The following TTC7B variants were observed in gnomAD, a reference collection of about 807,000 sequenced individuals.
The protein encoded by TTC7B is tetratricopeptide repeat domain 7B.
TTC7B carries 28 observed loss-of-function variants against 106.8 expected under a neutral mutation model. That is an observed-to-expected ratio of 0.26 (90% CI 0.19 to 0.36). The LOEUF (loss-of-function observed/expected upper bound fraction) is 0.36. Ranked by LOEUF, TTC7B falls within the 10% of genes least tolerant of loss-of-function variation. TTC7B has a pLI of 1.00. For synonymous variants in TTC7B, 405 were observed against 430.6 expected (o/e 0.94, Z 0.74); for missense variants, 862 against 1,076.4 (o/e 0.80, Z 2.79).
rs74081255 is a variant in TTC7B at position 90,633,841 on chromosome 14, C to T, written c.1751+10207G>A. Among the ~76,000 whole-genome samples, 645 of 152,088 alleles carry T rather than the reference C, an allele frequency of 4.2e-3. 4 individuals carry two copies. The highest frequency in any genetic ancestry group is 0.015 in the African/African-American group (624 of 41,484). ...CTGAATCCATCGGAATTCATGAACACCTTTCAGTATAAAAATGTGTACTTT... is the reference window on the plus strand; with the variant it reads ...CTGAATCCATCGGAATTCATGAACATCTTTCAGTATAAAAATGTGTACTTT... On this transcript the variant is annotated intron_variant, in intron 15 of 19. Transcript: ENST00000328459.
intron 1 of TTC7B, among the ~76,000 whole-genome samples, chr14:90,810,306 G>T (rs1421298428): frequency 6.6e-6 from 1 of 152,112 alleles, no homozygotes; most frequent in Non-Finnish European, 1.5e-5. Context: ...AATACATCTG[G>T]CCCCAAGGGC....
In TTC7B at chr14:90,537,377, G is replaced by GA. The variant is rs1555372749; in HGVS notation, c.*3990_*3991insT. The GA allele has an allele frequency of 2.1e-5, 3 of 144,280 alleles. No individual in the cohort carries two copies. Among genetic ancestry groups the GA allele is most frequent in the Non-Finnish European group, 4.6e-5 (3 of 65,296 alleles). 8.9% of individuals were successfully genotyped at this position (144,280 alleles called of 1,614,324 possible). ...ATTTTTTTTTTTTTGTAGAGATGGG[G>GA]GGGGGGTCTCACCATGTTGCCCAGG... On this transcript the variant is annotated 3_prime_UTR_variant, in exon 20 of 20. Transcript: ENST00000328459.
Position 90,757,606 on chromosome 14 carries a change from C to T in TTC7B, c.446-12684G>A, listed in dbSNP as rs1014828973. On this transcript the variant is annotated intron_variant, in intron 3 of 19. Transcript: ENST00000328459. The surrounding 1 kb of genome is among the most constrained non-coding windows in gnomAD (Gnocchi z 4.1). ...TGATCCAATGAGCTTACTACCACAG[C>T]AGGTCCACAGCAGTTGCCACACAGC... 2.0e-5 allele frequency among the ~76,000 whole-genome samples: 3 copies of T among 152,182 alleles called. No individual in the cohort carries two copies. The highest frequency in any genetic ancestry group is 2.0e-4 in the Admixed American group (3 of 15,282).
At chr14:90,599,839 T>G (rs1056519676) in intron 17 of TTC7B, among the ~76,000 whole-genome samples, 4 of 152,062 alleles carry the variant, frequency 2.6e-5, no homozygotes, top group African/African-American at 9.7e-5. Context: ...AAAGCAGCAG[T>G]TCCATCTCTT....
At chr14:90,714,891 A>G (rs988135334) in intron 5 of TTC7B, among the ~76,000 whole-genome samples, 7 of 151,740 alleles carry the variant, frequency 4.6e-5, no homozygotes, top group Admixed American at 2.0e-4. Flanking sequence ...CCCCTCCCCA[A>G]TTTTCATCTC....
chr14:90,712,213 G>T (rs28871708), intron 5 of TTC7B, among the ~76,000 whole-genome samples: 9 of 152,140 alleles, frequency 5.9e-5, no homozygotes, highest in African/African-American at 1.7e-4. Flanking sequence ...AAGACTGAAT[G>T]CTTTCTAAGA....
At chr14:90,549,887 TG>T (rs1890004240) in intron 19 of TTC7B, among the ~76,000 whole-genome samples, 2 of 151,996 alleles carry the variant, frequency 1.3e-5, no homozygotes, top group African/African-American at 4.8e-5. Flanking sequence ...ACGCCTTCAG[TG>T]GGTGGCAGCT....
At chr14:90,707,264 G>A (rs933477572) in intron 5 of TTC7B, among the ~76,000 whole-genome samples, 1 of 152,112 alleles carries the variant, frequency 6.6e-6, no homozygotes, top group African/African-American at 2.4e-5. Context: ...CACCTAAGAT[G>A]GCAAACTTGA....
At chr14:90,687,359 T>C (rs1887286966) in intron 7 of TTC7B, among the ~76,000 whole-genome samples, 1 of 152,134 alleles carries the variant, frequency 6.6e-6, no homozygotes, top group African/African-American at 2.4e-5. Context: ...CTTGTACACA[T>C]GGGAAAGCTG....
chr14:90,664,295 G>A (rs1017093701), intron 9 of TTC7B, among the ~76,000 whole-genome samples: 1 of 151,842 alleles, frequency 6.6e-6, no homozygotes, highest in African/African-American at 2.4e-5. Context: ...TTTGAGACAG[G>A]GTCTTGCTCT....
intron 4 of TTC7B, among the ~76,000 whole-genome samples, chr14:90,731,116 T>C (rs1286124702): frequency 2.0e-5 from 3 of 152,048 alleles, no homozygotes; most frequent in Non-Finnish European, 4.4e-5. Flanking sequence ...TAGCTAATTT[T>C]TTTTTTTGTA....
intron 19 of TTC7B, among the ~76,000 whole-genome samples, chr14:90,550,824 G>A (rs1233941866): frequency 6.6e-6 from 1 of 152,170 alleles, no homozygotes; most frequent in African/African-American, 2.4e-5. Flanking sequence ...ATGGAGGGAT[G>A]GAGGAGGGAT....
In TTC7B at chr14:90,533,202, G is replaced by A. The variant is rs1176252354; in HGVS notation, c.*8166C>T. ...AGGCAGTGGCGGATGGGAGCCTCCTGTGCTGTGACCAAGTGGGACAGGGAT... is the reference window on the plus strand; with the variant it reads ...AGGCAGTGGCGGATGGGAGCCTCCTATGCTGTGACCAAGTGGGACAGGGAT... On this transcript the variant is annotated 3_prime_UTR_variant, in exon 20 of 20. Transcript: ENST00000328459. The A allele has an allele frequency of 6.6e-6, 1 of 152,260 alleles. No individual in the cohort carries two copies. The highest frequency in any genetic ancestry group is 2.4e-5 in the African/African-American group (1 of 41,446). 9.4% of individuals were successfully genotyped at this position (152,260 alleles called of 1,614,324 possible). A position where few individuals can be genotyped will look rare whatever the true frequency, so the allele number is the denominator to read the frequency against.
At chr14:90,692,847 CA>C (rs1887529108) in intron 6 of TTC7B, among the ~76,000 whole-genome samples, 1 of 151,990 alleles carries the variant, frequency 6.6e-6, no homozygotes, top group African/African-American at 2.4e-5. Context: ...CTTCTTAAGG[CA>C]CCTATAAATC....
chr14:90,639,550 G>A (rs1595233190), intron 15 of TTC7B, among the ~76,000 whole-genome samples: 1 of 152,222 alleles, frequency 6.6e-6, no homozygotes, highest in South Asian at 2.1e-4. Flanking sequence ...AAGTATTGGT[G>A]TATGGAACCA....
chr14:90,608,610 A>T lies in TTC7B; in HGVS notation c.1966+2132T>A, dbSNP rs981522928. On this transcript the variant is annotated intron_variant, in intron 17 of 19. Transcript: ENST00000328459. The surrounding 1 kb of genome is among the most constrained non-coding windows in gnomAD (Gnocchi z 5.1). ...CAGTACCACTAAGCAGAGGGGGAGG[A>T]GGAAGACCCGGGGGCCAGGCCCAAC... Among the ~76,000 whole-genome samples the T allele has an allele frequency of 6.6e-6, 1 of 152,048 alleles. No homozygotes were observed. The highest frequency in any genetic ancestry group is 1.5e-5 in the Non-Finnish European group (1 of 68,004).
chr14:90,630,976 A>G (rs1253418816), intron 15 of TTC7B, among the ~76,000 whole-genome samples: 4 of 151,872 alleles, frequency 2.6e-5, no homozygotes, highest in Admixed American at 6.6e-5. Context: ...CTGGGATTAC[A>G]GGCGCCTGCC....
At chr14:90,583,406 G>A (rs1286478) in intron 18 of TTC7B, among the ~76,000 whole-genome samples, 40,062 of 152,066 alleles carry the variant, frequency 0.26, 6,967 homozygotes, top group African/African-American at 0.51. Flanking sequence ...AGATCAACAA[G>A]GACAGGTGAA....
intron 3 of TTC7B, among the ~76,000 whole-genome samples, chr14:90,767,564 T>C (rs1329690105): frequency 6.6e-6 from 1 of 152,152 alleles, no homozygotes; most frequent in African/African-American, 2.4e-5. Flanking sequence ...CCTTCCACCA[T>C]GGGAAGATAA....
Sources: allele counts gnomAD v4.1 joint callset (sites outside exome capture counted in the v4.1 genomes callset), GRCh38; gene constraint gnomAD v4.1.1; non-coding constraint Gnocchi (gnomAD v3.1); transcripts MANE v1.5; gene names NCBI Gene and HGNC (gene_info 2026-07-23, HGNC 2026-07-21).